The following BRINP1 variants were observed in gnomAD, a reference collection of about 807,000 sequenced individuals.
BRINP1 encodes the protein BMP/retinoic acid inducible neural specific 1, also known as BMP/retinoic acid-inducible neural-specific protein 1.
In BRINP1, 17 loss-of-function variants were observed where a neutral mutation model predicts 72.9. That is an observed-to-expected ratio of 0.23 (90% confidence interval 0.16 to 0.35). BRINP1 has a LOEUF of 0.35. Among genes scored for constraint, BRINP1 ranks in the 10% least tolerant of loss-of-function variants. BRINP1 has a pLI of 1.00. For missense variants in BRINP1, 850 were observed against 1,001.6 expected (o/e 0.85, Z 2.04); for synonymous variants, 418 against 378.5 (o/e 1.10, Z -1.21).
intron 1 of BRINP1, among the ~76,000 whole-genome samples, chr9:119,361,241 C>T (rs895066545): frequency 2.6e-5 from 4 of 152,076 alleles, no homozygotes; most frequent in African/African-American, 9.7e-5. Flanking sequence ...CCCCTTCACC[C>T]TCATATGAAA....
At chr9:119,236,569 C>T (rs970076654) in intron 5 of BRINP1, among the ~76,000 whole-genome samples, 2 of 151,992 alleles carry the variant, frequency 1.3e-5, no homozygotes, top group African/African-American at 4.8e-5. Context: ...ATTTCTGTTC[C>T]AATTATAACT....
chr9:119,367,219 T>TATATATATATATATATATATA (rs1219045184), intron 1 of BRINP1, among the ~76,000 whole-genome samples: 5 of 56,500 alleles, frequency 8.8e-5, no homozygotes, highest in Admixed American at 2.1e-4. Flanking sequence ...GTGTGTGTGA[T>TATATATATATATATATATATA]TGATATATAT....
At chr9:119,261,868 C>T (rs1338641399) in intron 2 of BRINP1, among the ~76,000 whole-genome samples, 1 of 151,176 alleles carries the variant, frequency 6.6e-6, no homozygotes, top group Admixed American at 6.6e-5. Context: ...CCTCGCCTCT[C>T]TTTCCCTCCT....
chr9:119,195,803 T>C (rs1829732181), intron 7 of BRINP1, among the ~76,000 whole-genome samples: 1 of 152,210 alleles, frequency 6.6e-6, no homozygotes, highest in African/African-American at 2.4e-5. Flanking sequence ...TGACGATCTC[T>C]ACTGACAAGA....
intron 2 of BRINP1, among the ~76,000 whole-genome samples, chr9:119,257,478 C>T (rs112567215): frequency 6.6e-6 from 1 of 152,156 alleles, no homozygotes; most frequent in Non-Finnish European, 1.5e-5. Flanking sequence ...TGACATTGAA[C>T]CCCGAATAAA....
chr9:119,312,138 CAT>C (rs1156860442), intron 2 of BRINP1, among the ~76,000 whole-genome samples: 1 of 152,234 alleles, frequency 6.6e-6, no homozygotes. Flanking sequence ...ATAACCAACA[CAT>C]ATGGATTATC....
chr9:119,186,255 T>C (rs2118844101), intron 7 of BRINP1, among the ~76,000 whole-genome samples: 1 of 152,080 alleles, frequency 6.6e-6, no homozygotes, highest in African/African-American at 2.4e-5. Flanking sequence ...CCCAGGGAAA[T>C]GAAGCTTTGG....
chr9:119,343,825 C>A (rs777863626), intron 1 of BRINP1, among the ~76,000 whole-genome samples: 2 of 152,124 alleles, frequency 1.3e-5, no homozygotes, highest in Non-Finnish European at 2.9e-5. Context: ...GATTTCATTG[C>A]GCCACTCAAC....
chr9:119,243,054 G>A (rs1353994030), intron 3 of BRINP1, among the ~76,000 whole-genome samples: 1 of 151,724 alleles, frequency 6.6e-6, no homozygotes, highest in African/African-American at 2.4e-5. Flanking sequence ...TCACAAACTG[G>A]TGCAAATTTT....
chr9:119,193,695 A>T (rs914431667), intron 7 of BRINP1, among the ~76,000 whole-genome samples: 2 of 152,248 alleles, frequency 1.3e-5, no homozygotes, highest in Non-Finnish European at 2.9e-5. Flanking sequence ...TTTTCAAAAA[A>T]TAAAGTGCTT....
chr9:119,362,262 G>T (rs959426921), intron 1 of BRINP1, among the ~76,000 whole-genome samples: 2 of 152,090 alleles, frequency 1.3e-5, no homozygotes, highest in Non-Finnish European at 2.9e-5. Flanking sequence ...GCCAGGACTG[G>T]AATCAGGTAC....
At chr9:119,235,796 A>G (rs1830187553) in intron 5 of BRINP1, among the ~76,000 whole-genome samples, 1 of 152,166 alleles carries the variant, frequency 6.6e-6, no homozygotes, top group Non-Finnish European at 1.5e-5. Context: ...TTTTCATAAA[A>G]TCCTAGAATC....
intron 5 of BRINP1, among the ~76,000 whole-genome samples, 163 bp downstream of exon 5, chr9:119,238,492 G>A (rs933442964): frequency 7.2e-5 from 11 of 151,926 alleles, no homozygotes; most frequent in Admixed American, 6.5e-5. Context: ...ATGTATACAC[G>A]GTATCATAAC....
intron 2 of BRINP1, among the ~76,000 whole-genome samples, chr9:119,298,134 T>C (rs1371342061): frequency 6.6e-6 from 1 of 152,216 alleles, no homozygotes; most frequent in Admixed American, 6.5e-5. Flanking sequence ...TATCCTAAAG[T>C]GATAGTCTGA....
chr9:119,239,080 AAT>A (rs1336994651), intron 4 of BRINP1, among the ~76,000 whole-genome samples: 25 of 152,184 alleles, frequency 1.6e-4, no homozygotes, highest in African/African-American at 4.3e-4. Flanking sequence ...AATCAGAAAA[AAT>A]AGTGTTAAAT....
At chr9:119,327,749 G>T (rs1484916243) in intron 1 of BRINP1, among the ~76,000 whole-genome samples, 1 of 152,124 alleles carries the variant, frequency 6.6e-6, no homozygotes, top group African/African-American at 2.4e-5. Flanking sequence ...AGTCTGTTTT[G>T]GTAACCAGGT....
At chr9:119,177,931 GT>G in intron 7 of BRINP1, among the ~76,000 whole-genome samples, 1 of 152,282 alleles carries the variant, frequency 6.6e-6, no homozygotes, top group Non-Finnish European at 1.5e-5. Flanking sequence ...TAGAAAGCAG[GT>G]GGTGTTCACG....
chr9:119,289,431 G>A (rs1386689567), intron 2 of BRINP1, among the ~76,000 whole-genome samples: 2 of 152,126 alleles, frequency 1.3e-5, no homozygotes, highest in Non-Finnish European at 2.9e-5. Context: ...AGTTAACTCT[G>A]GCTGTTCCGT....
intron 2 of BRINP1, among the ~76,000 whole-genome samples, chr9:119,280,847 T>G (rs914413109): frequency 2.6e-5 from 4 of 152,176 alleles, no homozygotes; most frequent in African/African-American, 9.7e-5. Context: ...TGAGATTTAT[T>G]TAATTCTGAA....
Sources: allele counts gnomAD v4.1 joint callset (sites outside exome capture counted in the v4.1 genomes callset), GRCh38; gene constraint gnomAD v4.1.1; transcripts MANE v1.5; gene names NCBI Gene and HGNC (gene_info 2026-07-23, HGNC 2026-07-21).